Variants in MGAT4C observed in about 807,000 individuals in gnomAD.
The protein encoded by MGAT4C is MGAT4 family member C.
In MGAT4C, 19 loss-of-function variants were observed where a neutral mutation model predicts 40.1. That is an observed-to-expected ratio of 0.47 (90% CI 0.33 to 0.70). The LOEUF is 0.70. Ranked by LOEUF, MGAT4C falls within the 30% of genes least tolerant of loss-of-function variation. The pLI, the probability that MGAT4C is intolerant of heterozygous loss-of-function variation, is 0.02. For synonymous variants in MGAT4C, 181 were observed against 187.1 expected (o/e 0.97, Z 0.27); for missense variants, 491 against 563.2 (o/e 0.87, Z 1.30).
At chr12:86,720,541 A>G (rs1950720379) in intron 2 of MGAT4C, among the ~76,000 whole-genome samples, 1 of 152,108 alleles carries the variant, frequency 6.6e-6, no homozygotes. Flanking sequence ...TCTGTTCATG[A>G]TTCAAGTTTT....
intron 3 of MGAT4C, among the ~76,000 whole-genome samples, chr12:86,412,671 T>C (rs1259144635): frequency 6.6e-6 from 1 of 152,212 alleles, no homozygotes; most frequent in Non-Finnish European, 1.5e-5. Context: ...GATTGCAGAC[T>C]TCTGAGTTAA....
rs35660169 is a variant in MGAT4C, at chr12:86,466,208, C to CAA, written c.-228-30945_-228-30944dup. Among the ~76,000 whole-genome samples the CAA allele has an allele frequency of 9.2e-4, 137 of 149,498 alleles. 1 individual carries two copies. The highest frequency in any genetic ancestry group is 2.8e-3 in the East Asian group (14 of 5,050). On this transcript the variant is annotated intron_variant, in intron 2 of 7. Transcript: ENST00000548651. Reference sequence around the variant, plus strand: ...TGGGGGCAAGAGATCAAGACTCCGTCAAAAAAAAACAAAAACAAAAACCCA... The same window carrying CAA: ...TGGGGGCAAGAGATCAAGACTCCGTCAAAAAAAAAAACAAAAACAAAAACCCA...
intron 4 of MGAT4C, among the ~76,000 whole-genome samples, chr12:86,327,314 A>AT (rs1203219417): frequency 4.0e-5 from 6 of 151,834 alleles, no homozygotes; most frequent in Admixed American, 2.6e-4. Context: ...GGATTTTTTA[A>AT]TTTTTTTATT....
At chr12:86,493,187 A>T (rs1346972382) in intron 2 of MGAT4C, among the ~76,000 whole-genome samples, 4 of 150,758 alleles carry the variant, frequency 2.7e-5, no homozygotes, top group Non-Finnish European at 5.9e-5. Context: ...GAACACTTTT[A>T]CACTGTTGGT....
chr12:86,805,969 G>A (rs1952344937), intron 1 of MGAT4C, among the ~76,000 whole-genome samples: 1 of 151,760 alleles, frequency 6.6e-6, no homozygotes, highest in Non-Finnish European at 1.5e-5. Context: ...TGATGATTTA[G>A]TGATGTTAAA....
At chr12:85,999,959 A>G (rs750189641) in intron 2 of MGAT4C, among the ~76,000 whole-genome samples, 5 of 152,164 alleles carry the variant, frequency 3.3e-5, no homozygotes, top group Non-Finnish European at 5.9e-5. Flanking sequence ...TAGGGTGACT[A>G]CAGCTAATAA....
intron 1 of MGAT4C, among the ~76,000 whole-genome samples, chr12:86,098,579 C>T (rs2135590129): frequency 6.6e-6 from 1 of 151,614 alleles, no homozygotes; most frequent in Non-Finnish European, 1.5e-5. Context: ...TTTTGCAATC[C>T]TGCTATTTCT....
intron 2 of MGAT4C, among the ~76,000 whole-genome samples, chr12:86,557,603 T>C (rs1959673347): frequency 6.6e-6 from 1 of 152,312 alleles, no homozygotes; most frequent in South Asian, 2.1e-4. Flanking sequence ...CATGAGGAAG[T>C]CATGGACACC....
At chr12:86,050,721 T>C (rs539052400) in intron 1 of MGAT4C, among the ~76,000 whole-genome samples, 2 of 152,142 alleles carry the variant, frequency 1.3e-5, no homozygotes, top group East Asian at 1.9e-4. Flanking sequence ...AACACCTCCA[T>C]TGGAATTTCC....
At chr12:86,259,902 G>T (rs75260926), upstream of MGAT4C, among the ~76,000 whole-genome samples, 59 of 138,712 alleles carry the variant, frequency 4.3e-4, no homozygotes, top group East Asian at 8.7e-4. Flanking sequence ...GTCTTATTTT[G>T]TTTTTTCCTT....
At chr12:86,183,736 C>T (rs1275992006) in intron 1 of MGAT4C, among the ~76,000 whole-genome samples, 1 of 152,142 alleles carries the variant, frequency 6.6e-6, no homozygotes, top group Non-Finnish European at 1.5e-5. Flanking sequence ...ACTGGCTTGA[C>T]CTTACCATGC....
In MGAT4C at chr12:86,779,307, C is replaced by A. The variant is rs1331177987; in HGVS notation, c.-261-52066G>T. Among the ~76,000 whole-genome samples the A allele has an allele frequency of 2.6e-5, 4 of 152,118 alleles. No individual in the cohort carries two copies. The South Asian group carries it at 6.2e-4, about 24-fold the overall frequency. ...CTATTTATTATCTGTCAATAGAAAT[C>A]ATCAAGGAAGGGCATAGTGGCTTAC... On this transcript the variant is annotated intron_variant, in intron 1 of 7. Transcript: ENST00000548651.
chr12:86,266,432 A>G (rs994392476), intron 4 of MGAT4C, among the ~76,000 whole-genome samples: 1 of 152,284 alleles, frequency 6.6e-6, no homozygotes, highest in African/African-American at 2.4e-5. Flanking sequence ...TATATACTGT[A>G]TCATATTTAC....
rs71076198 is a variant in MGAT4C, at chr12:86,408,479, C to CTA, written c.-120+26676_-120+26677dup. On this transcript the variant is annotated intron_variant, in intron 3 of 7. Coordinates refer to the MGAT4C transcript ENST00000548651. ...TCTCTCTCTCTCTCTCTCTCTCTCT[C>CTA]TATATATATATATATATATATATAT... Among the ~76,000 whole-genome samples, 281 of 63,324 alleles carry CTA rather than the reference C, an allele frequency of 4.4e-3. 7 individuals carry two copies. The highest frequency in any genetic ancestry group is 5.7e-3 in the African/African-American group (73 of 12,762). The allele number at this position is 63,324 out of a possible 152,430, so 41.5% of individuals were successfully genotyped here. A position where few individuals can be genotyped will look rare whatever the true frequency, so the allele number is the denominator to read the frequency against.
chr12:86,509,160 C>T (rs1232974489), intron 2 of MGAT4C, among the ~76,000 whole-genome samples: 5 of 152,046 alleles, frequency 3.3e-5, no homozygotes, highest in Non-Finnish European at 2.9e-5. Context: ...AATAGTAATG[C>T]CTCGGTTTTC....
chr12:86,188,379 G>C (rs1030045939), intron 1 of MGAT4C, among the ~76,000 whole-genome samples: 2 of 151,640 alleles, frequency 1.3e-5, no homozygotes, highest in African/African-American at 4.8e-5. Flanking sequence ...CTTGCCTGTG[G>C]GCAGCAGAGT....
At chr12:85,988,260 T>C (rs1885470775) in intron 3 of MGAT4C, among the ~76,000 whole-genome samples, 1 of 152,120 alleles carries the variant, frequency 6.6e-6, no homozygotes, top group African/African-American at 2.4e-5. Flanking sequence ...AGGATTCTGG[T>C]ACAATTTCAG....
At chr12:86,370,444 G>T (rs1469496984) in intron 3 of MGAT4C, among the ~76,000 whole-genome samples, 1 of 151,988 alleles carries the variant, frequency 6.6e-6, no homozygotes, top group Non-Finnish European at 1.5e-5. Context: ...CACTAGTATG[G>T]AAAAACTTGC....
chr12:86,138,311 T>C (rs997406714), intron 1 of MGAT4C, among the ~76,000 whole-genome samples: 43 of 148,798 alleles, frequency 2.9e-4, no homozygotes, highest in Admixed American at 3.4e-4. Context: ...TTACAATCAT[T>C]TTTTTTTTTT....
Sources: gnomAD v4.1 joint callset for allele counts (sites outside exome capture counted in the v4.1 genomes callset) on GRCh38, gnomAD v4.1.1 for gene constraint, MANE v1.5 for transcripts, NCBI Gene and HGNC (gene_info 2026-07-23, HGNC 2026-07-21) for gene names.